The following CTNNA3 variants were observed in gnomAD, a reference collection of about 807,000 sequenced individuals.
CTNNA3 encodes catenin alpha-3.
A neutral mutation model predicts 95.7 loss-of-function variants in CTNNA3; 76 were observed. That is an observed-to-expected ratio of 0.79 (90% CI 0.66 to 0.96). The LOEUF is 0.96. Among genes scored for constraint, CTNNA3 ranks in the 40% least tolerant of loss-of-function variants. The probability of loss-of-function intolerance (pLI) is 0.00; values close to 1 mark genes in which losing one functional copy is unlikely to be tolerated. For missense variants in CTNNA3, 1,191 were observed against 1,089.8 expected (o/e 1.09, Z -1.31); for synonymous variants, 431 against 374.4 (o/e 1.15, Z -1.74).
chr10:66,166,498 C>CAA (rs35165850), intron 13 of CTNNA3, among the ~76,000 whole-genome samples: 60 of 105,186 alleles, frequency 5.7e-4, no homozygotes, highest in African/African-American at 2.1e-3. Context: ...CAGTCTGTCT[C>CAA]AAAAAAAAAA....
chr10:66,635,119 T>C (rs1397174855), intron 9 of CTNNA3, among the ~76,000 whole-genome samples: 2 of 152,104 alleles, frequency 1.3e-5, no homozygotes, highest in East Asian at 3.9e-4. Flanking sequence ...TCAAGGTCCC[T>C]CTCTAAATTA....
chr10:66,883,668 A>C (rs2132473356), intron 7 of CTNNA3, among the ~76,000 whole-genome samples: 1 of 152,286 alleles, frequency 6.6e-6, no homozygotes, highest in Admixed American at 6.5e-5. Flanking sequence ...TAATTATTAA[A>C]TGGCAGAGCT....
intron 11 of CTNNA3, among the ~76,000 whole-genome samples, chr10:66,423,950 G>A (rs1191212130): frequency 6.6e-6 from 1 of 152,154 alleles, no homozygotes. Flanking sequence ...AGTTAATGTT[G>A]TTATTACTAC....
rs148960746 is a variant in CTNNA3, at chr10:66,261,251, A to G, written c.1884+19219T>C. ...CTGAAGGGCATTTTCTCTTTGCTTCACTTCTTAAGTAAATTCAGTACATTT... is the reference window on the plus strand; with the variant it reads ...CTGAAGGGCATTTTCTCTTTGCTTCGCTTCTTAAGTAAATTCAGTACATTT... On this transcript the variant is annotated intron_variant, in intron 13 of 17. Coordinates refer to ENST00000433211, the MANE Select transcript of CTNNA3 (RefSeq NM_013266.4). 6.8e-4 allele frequency among the ~76,000 whole-genome samples: 104 copies of G among 152,104 alleles called. 2 individuals carry two copies. The East Asian group carries it at 0.019, about 27-fold the overall frequency.
At chr10:67,153,660 T>C (rs1345741772) in intron 7 of CTNNA3, among the ~76,000 whole-genome samples, 3 of 152,226 alleles carry the variant, frequency 2.0e-5, no homozygotes, top group South Asian at 2.1e-4. Flanking sequence ...TAGATTTCTA[T>C]ATTTTATTTT....
chr10:67,394,763 C>A (rs1844654566), intron 5 of CTNNA3, among the ~76,000 whole-genome samples: 1 of 152,068 alleles, frequency 6.6e-6, no homozygotes, highest in Non-Finnish European at 1.5e-5. Context: ...GAAAGCCTAT[C>A]CCCTGGGCCA....
intron 7 of CTNNA3, among the ~76,000 whole-genome samples, chr10:67,091,941 C>A (rs1857668391): frequency 6.6e-6 from 1 of 151,964 alleles, no homozygotes; most frequent in South Asian, 2.1e-4. Context: ...TAGAAGAAGA[C>A]TGAAATGCCT....
chr10:67,000,547 T>A (rs1851617496), intron 7 of CTNNA3, among the ~76,000 whole-genome samples: 1 of 152,088 alleles, frequency 6.6e-6, no homozygotes, highest in Non-Finnish European at 1.5e-5. Flanking sequence ...AAGCTAAAAA[T>A]TACACCAATC....
chr10:66,511,067 T>C (rs904216176), intron 11 of CTNNA3, among the ~76,000 whole-genome samples: 1 of 151,902 alleles, frequency 6.6e-6, no homozygotes, highest in Admixed American at 6.6e-5. Flanking sequence ...ATCTTCTTAT[T>C]TGTTATTGGT....
intron 7 of CTNNA3, among the ~76,000 whole-genome samples, chr10:66,876,994 T>C (rs1205912625): frequency 6.6e-6 from 1 of 152,094 alleles, no homozygotes; most frequent in Non-Finnish European, 1.5e-5. Flanking sequence ...AGTCACATAA[T>C]TCAAAAAGCA....
At chr10:66,420,855 ATT>A (rs2093187824) in intron 11 of CTNNA3, among the ~76,000 whole-genome samples, 1 of 147,494 alleles carries the variant, frequency 6.8e-6, no homozygotes, top group Non-Finnish European at 1.5e-5. Flanking sequence ...CAATATGGAG[ATT>A]TCTCAAACAA....
chr10:66,348,091 A>G (rs527258815), intron 12 of CTNNA3, among the ~76,000 whole-genome samples: 2 of 152,230 alleles, frequency 1.3e-5, no homozygotes, highest in Middle Eastern at 3.4e-3. Context: ...ATACCAAATC[A>G]TGAAAGACAA....
intron 6 of CTNNA3, among the ~76,000 whole-genome samples, chr10:67,183,373 G>T (rs1266797612): frequency 1.3e-5 from 2 of 152,104 alleles, no homozygotes; most frequent in Non-Finnish European, 2.9e-5. Context: ...AAAATGATGA[G>T]TTCATGTCCT....
intron 7 of CTNNA3, among the ~76,000 whole-genome samples, chr10:67,112,454 A>G (rs1408333359): frequency 2.0e-5 from 3 of 152,152 alleles, no homozygotes; most frequent in Non-Finnish European, 2.9e-5. Context: ...TGTAATCACT[A>G]TAAAGTGGAT....
intron 7 of CTNNA3, among the ~76,000 whole-genome samples, chr10:66,972,930 G>C (rs11817816): frequency 1.3e-5 from 2 of 151,736 alleles, no homozygotes; most frequent in Non-Finnish European, 2.9e-5. Flanking sequence ...AAGTTTCATA[G>C]ATTAAAAAGT....
chr10:67,231,855 G>A (rs1047145804), intron 5 of CTNNA3, among the ~76,000 whole-genome samples: 2 of 152,186 alleles, frequency 1.3e-5, no homozygotes, highest in Admixed American at 1.3e-4. Context: ...CAAGAACTAC[G>A]TGAAGAATGC....
At chr10:67,676,636 G>A (rs1489544943) in intron 1 of CTNNA3, among the ~76,000 whole-genome samples, 7 of 152,152 alleles carry the variant, frequency 4.6e-5, no homozygotes, top group African/African-American at 1.7e-4. Flanking sequence ...TTTGTTGAAG[G>A]ATGCTGGTGC....
intron 5 of CTNNA3, among the ~76,000 whole-genome samples, chr10:67,327,370 C>T (rs1841581349): frequency 6.6e-6 from 1 of 152,198 alleles, no homozygotes; most frequent in South Asian, 2.1e-4. Flanking sequence ...TTCCTTCAAT[C>T]TTTAAAACTG....
intron 1 of CTNNA3, among the ~76,000 whole-genome samples, chr10:67,680,484 C>A (rs1269396563): frequency 1.3e-5 from 2 of 152,160 alleles, no homozygotes; most frequent in Non-Finnish European, 2.9e-5. Context: ...TCTAGGAAAG[C>A]TGCGATGGGG....
Sources: allele counts gnomAD v4.1 joint callset (sites outside exome capture counted in the v4.1 genomes callset), GRCh38; gene constraint gnomAD v4.1.1; transcripts MANE v1.5; gene names NCBI Gene and HGNC (gene_info 2026-07-23, HGNC 2026-07-21).